UTRN: variants seen among roughly 807,000 people sequenced by gnomAD.
The protein encoded by UTRN is dystrophin-related protein 1.
Under a neutral mutation model 463.9 loss-of-function variants are expected in UTRN, and 283 were observed. The ratio of observed to expected loss-of-function variants is 0.61; its 90% CI spans 0.55 to 0.67. The LOEUF (loss-of-function observed/expected upper bound fraction) is 0.67. Among genes scored for constraint, UTRN ranks in the 30% least tolerant of loss-of-function variants. The probability of loss-of-function intolerance (pLI) is 0.00; values close to 1 mark genes in which losing one functional copy is unlikely to be tolerated. For synonymous variants in UTRN, 1,442 were observed against 1,431.5 expected, an observed-to-expected ratio of 1.01 and a Z score of -0.17; for missense variants, 3,922 against 4,084.3, an observed-to-expected ratio of 0.96 and a Z score of 1.08.
intron 2 of UTRN, chr6:144,398,159 G>C (rs1340851501): frequency 1.2e-5 from 3 of 250,042 alleles, no homozygotes; most frequent in Non-Finnish European, 2.5e-5. Flanking sequence ...TCCCTGGGGT[G>C]GTGTACCTGC....
intron 60 of UTRN, among the ~76,000 whole-genome samples, chr6:144,781,089 C>T (rs531291807): frequency 6.6e-6 from 1 of 152,350 alleles, no homozygotes; most frequent in East Asian, 1.9e-4. Context: ...GCTCTGCCTT[C>T]ACCTCCTGTG....
intron 2 of UTRN, among the ~76,000 whole-genome samples, chr6:144,381,400 A>C (rs1374755301): frequency 3.3e-5 from 5 of 152,080 alleles, no homozygotes; most frequent in Non-Finnish European, 5.9e-5. Context: ...TATATGCCAC[A>C]TTTTCTTTAT....
chr6:144,762,627 G>A (rs1324608191), intron 58 of UTRN, among the ~76,000 whole-genome samples: 2 of 152,218 alleles, frequency 1.3e-5, no homozygotes, highest in African/African-American at 4.8e-5. Flanking sequence ...TAGATAGGAA[G>A]ATGTCATTCC....
chr6:144,387,203 C>T (rs536124821), intron 2 of UTRN, among the ~76,000 whole-genome samples: 1 of 152,182 alleles, frequency 6.6e-6, no homozygotes, highest in African/African-American at 2.4e-5. Flanking sequence ...AGTGCAGCGG[C>T]GCGATCTTGG....
At chr6:144,329,501 A>C (rs550314408) in intron 2 of UTRN, among the ~76,000 whole-genome samples, 1 of 152,214 alleles carries the variant, frequency 6.6e-6, no homozygotes, top group African/African-American at 2.4e-5. Context: ...GTTCAGTAAG[A>C]ACTTCTAGCA....
intron 52 of UTRN, among the ~76,000 whole-genome samples, chr6:144,697,710 A>G (rs1784165923): frequency 6.6e-6 from 1 of 152,192 alleles, no homozygotes; most frequent in Non-Finnish European, 1.5e-5. Context: ...AAGCCACTTC[A>G]GCATTTCTTT....
chr6:144,502,403 T>A (rs1453327790), intron 34 of UTRN, among the ~76,000 whole-genome samples: 1 of 151,918 alleles, frequency 6.6e-6, no homozygotes, highest in East Asian at 1.9e-4. Flanking sequence ...ATGCTACCCC[T>A]CCCCTAGCCC....
intron 2 of UTRN, among the ~76,000 whole-genome samples, chr6:144,343,411 A>G (rs909833205): frequency 7.9e-6 from 1 of 126,114 alleles, no homozygotes; most frequent in Non-Finnish European, 1.7e-5. Context: ...CACACACACA[A>G]TAGCCGGGCA....
Position 144,482,311 on chromosome 6 carries a change from A to C in UTRN, c.3610A>C (p.Thr1204Pro), listed in dbSNP as rs1369533085. Residue 1204 changes from threonine to proline, a missense_variant, in exon 27 of 75, where the codon ACG becomes CCG. By Grantham distance (38) the Thr-to-Pro change is conservative. Coordinates refer to ENST00000367545, the MANE Select transcript of UTRN (RefSeq NM_007124.3). The part of the protein sequence containing the change: ...AKVPSGGQEL[T>P]SELNVVLENY... ...GGTGCCCTCTGGTGGCCAGGAGTTG[A>C]CGTCTGAGCTGAATGTTGTGCTGGA... The C allele has an allele frequency of 6.2e-7, 1 of 1,607,734 alleles. No individual in the cohort carries two copies. Among genetic ancestry groups the C allele is most frequent in the Non-Finnish European group, 8.5e-7 (1 of 1,178,564 alleles).
At position 144,590,034 on chromosome 6, in the gene UTRN, T is replaced by C. The variant is rs550179659; in HGVS notation, c.7479+12746T>C. The stretch of plus-strand genomic sequence containing the variant: ...ACCACACCGGGCTAATTTTTTTGTA[T>C]TTTTTTTGTGGAGACAGGGCCTCAC... On this transcript the variant is annotated intron_variant, in intron 51 of 74. Coordinates refer to ENST00000367545, the MANE Select transcript of UTRN (RefSeq NM_007124.3). Among the ~76,000 whole-genome samples, 103 of 151,542 alleles carry C rather than the reference T, an allele frequency of 6.8e-4. 1 individual carries two copies. Among genetic ancestry groups the C allele is most frequent in the Admixed American group, 5.1e-3 (77 of 15,188 alleles).
At chr6:144,307,818 T>G (rs974266299) in intron 2 of UTRN, among the ~76,000 whole-genome samples, 3 of 120,552 alleles carry the variant, frequency 2.5e-5, no homozygotes, top group Non-Finnish European at 4.7e-5. Context: ...TCTGCCTCAG[T>G]TTTTTTTTTT....
chr6:144,568,485 C>A (rs1247298367), intron 50 of UTRN, among the ~76,000 whole-genome samples: 3 of 152,098 alleles, frequency 2.0e-5, no homozygotes, highest in Non-Finnish European at 4.4e-5. Context: ...GTGTTCTGAT[C>A]TTTCTTGAGA....
intron 2 of UTRN, among the ~76,000 whole-genome samples, chr6:144,321,421 G>T (rs1028230093): frequency 1.1e-4 from 17 of 151,868 alleles, no homozygotes; most frequent in African/African-American, 3.9e-4. Flanking sequence ...GGGTAATGAG[G>T]GACAGAGGTG....
At position 144,782,575 on chromosome 6, in the gene UTRN, C is replaced by T. The variant is rs143024032; in HGVS notation, c.8834+452C>T. ...GAAGAGTGATTTGAATGGCCATGAA[C>T]GAGGTAGTCTTTTAATATTTGCTTT... On this transcript the variant is annotated intron_variant, in intron 61 of 74. Transcript: ENST00000367545. Among the ~76,000 whole-genome samples the T allele has an allele frequency of 1.1e-4, 17 of 151,494 alleles. No individual in the cohort carries two copies. The East Asian group carries it at 2.1e-3, about 19-fold the overall frequency.
intron 3 of UTRN, among the ~76,000 whole-genome samples, chr6:144,414,584 A>T (rs1434744934): frequency 6.6e-6 from 1 of 152,192 alleles, no homozygotes; most frequent in Non-Finnish European, 1.5e-5. Flanking sequence ...CTAAGTGTAC[A>T]GTGTTTATAA....
intron 52 of UTRN, among the ~76,000 whole-genome samples, chr6:144,696,691 A>G (rs1407479850): frequency 6.6e-6 from 1 of 152,194 alleles, no homozygotes; most frequent in African/African-American, 2.4e-5. Context: ...TTTTGTAGTA[A>G]GAATACCAAA....
chr6:144,660,324 G>C (rs927055336), intron 51 of UTRN: 10 of 470,058 alleles, frequency 2.1e-5, no homozygotes, highest in Admixed American at 7.1e-5. Flanking sequence ...TTTCTTTCTT[G>C]CCTTTTTTTT....
At chr6:144,344,189 A>G (rs1777380408) in intron 2 of UTRN, 1 of 1,302,834 alleles carries the variant, frequency 7.7e-7, no homozygotes, top group Non-Finnish European at 1.0e-6. Flanking sequence ...CTTTTTCCTC[A>G]TCATCTAAGC....
intron 65 of UTRN, 55 bp downstream of exon 65, chr6:144,803,202 A>T (rs1409950012): frequency 9.4e-7 from 1 of 1,067,470 alleles, no homozygotes; most frequent in Non-Finnish European, 1.3e-6. Flanking sequence ...ATTAACTAGT[A>T]TCTAAAATTT....
Sources: gnomAD v4.1 joint callset for allele counts (sites outside exome capture counted in the v4.1 genomes callset) on GRCh38, gnomAD v4.1.1 for gene constraint, MANE v1.5 for transcripts, NCBI Gene and HGNC (gene_info 2026-07-23, HGNC 2026-07-21) for gene names.